Variants in NDC1 observed in about 807,000 individuals in gnomAD.
NDC1 encodes the protein nucleoporin NDC1.
Under a neutral mutation model 89.8 loss-of-function variants are expected in NDC1, and 24 were observed. The observed-to-expected ratio is 0.27, with a 90% CI of 0.19 to 0.38. The LOEUF is 0.38. Ranked by LOEUF, NDC1 falls within the 10% of genes least tolerant of loss-of-function variation. The pLI, the probability that NDC1 is intolerant of heterozygous loss-of-function variation, is 1.00. For synonymous variants in NDC1, 296 were observed against 284.8 expected, an observed-to-expected ratio of 1.04 and a Z score of -0.39; for missense variants, 728 against 797.6, an observed-to-expected ratio of 0.91 and a Z score of 1.05.
chr1:53,824,617 G>A (rs1387678319), intron 5 of NDC1, among the ~76,000 whole-genome samples: 1 of 152,144 alleles, frequency 6.6e-6, no homozygotes, highest in Admixed American at 6.6e-5. Context: ...AACAGGCTGC[G>A]AAGAGCCCTG....
intron 13 of NDC1, 69 bp from the exon 14 acceptor site, chr1:53,793,348 T>C: frequency 8.0e-7 from 1 of 1,249,824 alleles, no homozygotes; most frequent in Non-Finnish European, 1.2e-6. Flanking sequence ...ACACATTTCC[T>C]AGTTCTTCCA....
intron 6 of NDC1, among the ~76,000 whole-genome samples, chr1:53,817,753 G>T (rs1648528653): frequency 6.6e-6 from 1 of 152,068 alleles, no homozygotes; most frequent in Non-Finnish European, 1.5e-5. Flanking sequence ...AAATAAACAG[G>T]ATGGCCTATA....
intron 10 of NDC1, 120 bp from the exon 11 acceptor site, chr1:53,800,968 A>C (rs986153853): frequency 2.4e-6 from 2 of 830,600 alleles, no homozygotes; most frequent in African/African-American, 3.5e-5. Context: ...CACTTTTCTT[A>C]GTGAAGCTAC....
In NDC1 at chr1:53,803,595, G is replaced by A. The variant is rs916381675; in HGVS notation, c.1066+333C>T. 3.5e-4 allele frequency among the ~76,000 whole-genome samples: 53 copies of A among 151,120 alleles called. No individual in the cohort carries two copies. In the Middle Eastern group the frequency reaches 0.017, roughly 48 times the overall value. Reference sequence around the variant, plus strand: ...TTAATTTTTTTTTTCTTTTTGAGACGGAGTCTCACTCTGTCACCCAGGCTG... The same window carrying A: ...TTAATTTTTTTTTTCTTTTTGAGACAGAGTCTCACTCTGTCACCCAGGCTG... On this transcript the variant is annotated intron_variant, in intron 10 of 17. Coordinates refer to ENST00000371429, the MANE Select transcript of NDC1 (RefSeq NM_018087.5).
intron 6 of NDC1, among the ~76,000 whole-genome samples, chr1:53,818,642 C>T (rs559246078): frequency 6.6e-6 from 1 of 152,308 alleles, no homozygotes. Context: ...TTAGATACCT[C>T]ATATAAGTGG....
Position 53,806,415 on chromosome 1 carries a change from G to A in NDC1, c.984+10C>T, listed in dbSNP as rs773289159. 4.0e-6 allele frequency: 6 copies of A among 1,507,026 alleles called. No individual in the cohort carries two copies. The South Asian group carries it at 8.2e-5, about 21-fold the overall frequency. The allele number at this position is 1,507,026 out of a possible 1,614,324, so 93.4% of individuals were successfully genotyped here. A position where few individuals can be genotyped will look rare whatever the true frequency, so the allele number is the denominator to read the frequency against. Reference sequence around the variant, plus strand: ...AAACTGTGTGAAGATATGCAACACAGTTTGGATACCTTTATGATGGGGGGA... The same window carrying A: ...AAACTGTGTGAAGATATGCAACACAATTTGGATACCTTTATGATGGGGGGA... On this transcript the variant is annotated intron_variant, in intron 9 of 17. Transcript: ENST00000371429.
chr1:53,824,872 A>G (rs1466128349), intron 5 of NDC1, among the ~76,000 whole-genome samples: 1 of 152,188 alleles, frequency 6.6e-6, no homozygotes, highest in Admixed American at 6.5e-5. Flanking sequence ...CAAGGTTCTA[A>G]GTTCAAAAAG....
chr1:53,778,895 A>G (rs1279829193), intron 16 of NDC1, among the ~76,000 whole-genome samples: 3 of 152,072 alleles, frequency 2.0e-5, no homozygotes, highest in Non-Finnish European at 4.4e-5. Context: ...TAATCTCAAC[A>G]CTTCGGGAGG....
At chr1:53,830,667 C>T (rs1409808879) in intron 3 of NDC1, among the ~76,000 whole-genome samples, 1 of 149,914 alleles carries the variant, frequency 6.7e-6, no homozygotes, top group African/African-American at 2.5e-5. Context: ...TTGAGACCTG[C>T]CTGACCAACA....
At chr1:53,790,011 G>C (rs1333334732) in intron 14 of NDC1, among the ~76,000 whole-genome samples, 1 of 152,006 alleles carries the variant, frequency 6.6e-6, no homozygotes, top group African/African-American at 2.4e-5. Flanking sequence ...GCTGAGGCAG[G>C]AGAATTGCTT....
At chr1:53,799,613 G>C (rs1053337309) in intron 11 of NDC1, among the ~76,000 whole-genome samples, 3 of 152,040 alleles carry the variant, frequency 2.0e-5, no homozygotes, top group African/African-American at 7.3e-5. Flanking sequence ...TAGATTTCAG[G>C]CTTCTCTTTT....
intron 9 of NDC1, 135 bp from the exon 10 acceptor site, chr1:53,804,144 T>C: frequency 1.6e-6 from 1 of 644,714 alleles, no homozygotes. Flanking sequence ...CTCAGAACCA[T>C]AACCTTCCTT....
chr1:53,799,375 T>C (rs934615208), intron 11 of NDC1, among the ~76,000 whole-genome samples: 6 of 152,232 alleles, frequency 3.9e-5, no homozygotes, highest in Admixed American at 6.5e-5. Context: ...GGAATGCTGA[T>C]CTGAAAGCTG....
Position 53,800,713 on chromosome 1 carries a change from G to A in NDC1, c.1202C>T (p.Pro401Leu). 1.9e-6 allele frequency: 3 copies of A among 1,614,050 alleles called. No homozygotes were observed. Among genetic ancestry groups the A allele is most frequent in the Non-Finnish European group, 2.5e-6 (3 of 1,179,938 alleles). ...ATTACCTGGAGAATTTAATTTCTTAGGTTCCACTGGGTAAGATGAAGACAC... is the reference window on the plus strand; with the variant it reads ...ATTACCTGGAGAATTTAATTTCTTAAGTTCCACTGGGTAAGATGAAGACAC... ...GRVSSSYPVEPKKLNSPEETA... is the reference protein window; with the variant it reads ...GRVSSSYPVELKKLNSPEETA... Residue 401 changes from proline to leucine, a missense_variant, in exon 11 of 18, where the codon CCT becomes CTT. By Grantham distance (98) the Pro-to-Leu change is moderately conservative (BLOSUM62 -3). Transcript: ENST00000371429.
intron 9 of NDC1, among the ~76,000 whole-genome samples, chr1:53,804,412 C>T (rs1206897312): frequency 1.3e-5 from 2 of 152,204 alleles, no homozygotes; most frequent in East Asian, 3.9e-4. Context: ...GTGCGGCCCA[C>T]AAGAAAACGG....
chr1:53,805,398 G>T (rs981579271), intron 9 of NDC1, among the ~76,000 whole-genome samples: 1 of 152,116 alleles, frequency 6.6e-6, no homozygotes, highest in Non-Finnish European at 1.5e-5. Flanking sequence ...TTGAGATGAG[G>T]TCTCCCTATG....
chr1:53,818,076 G>A (rs1435723613), intron 6 of NDC1, among the ~76,000 whole-genome samples: 1 of 152,084 alleles, frequency 6.6e-6, no homozygotes, highest in Admixed American at 6.5e-5. Context: ...ATGATGCACA[G>A]TATTTTTTCT....
chr1:53,828,199 C>T, intron 3 of NDC1, 26 bp from the exon 4 acceptor site: 2 of 1,607,026 alleles, frequency 1.2e-6, no homozygotes, highest in Non-Finnish European at 1.7e-6. Flanking sequence ...ATTACTGTGG[C>T]TTTATAACCT....
chr1:53,816,278 A>G (rs991044224), intron 6 of NDC1, among the ~76,000 whole-genome samples: 6 of 152,164 alleles, frequency 3.9e-5, no homozygotes, highest in African/African-American at 1.4e-4. Context: ...AGGATAGAGA[A>G]CCCAGAAATA....
Sources: gnomAD v4.1 joint callset for allele counts (sites outside exome capture counted in the v4.1 genomes callset) on GRCh38, gnomAD v4.1.1 for gene constraint, MANE v1.5 for transcripts, NCBI Gene and HGNC (gene_info 2026-07-23, HGNC 2026-07-21) for gene names.